AKNA: variants seen among roughly 807,000 people sequenced by gnomAD.
The protein encoded by AKNA is AT-hook transcription factor.
AKNA carries 67 observed loss-of-function variants against 138.8 expected under a neutral mutation model. The observed-to-expected ratio is 0.48, with a 90% CI of 0.40 to 0.59. AKNA has a LOEUF of 0.59. Ranked by LOEUF, AKNA falls within the 20% of genes least tolerant of loss-of-function variation. The pLI is 0.00. For synonymous variants in AKNA, 737 were observed against 754.4 expected (o/e 0.98, Z 0.38); for missense variants, 1,813 against 1,880.4 (o/e 0.96, Z 0.66).
intron 1 of AKNA, among the ~76,000 whole-genome samples, chr9:114,394,062 A>C (rs1180062142): frequency 6.6e-6 from 1 of 151,944 alleles, no homozygotes; most frequent in Non-Finnish European, 1.5e-5. Context: ...AATCCCAGCT[A>C]CTCGGGAGAC....
At chr9:114,346,123 C>T (rs1830669056) in intron 17 of AKNA, 114 bp from the exon 18 acceptor site, 1 of 1,059,638 alleles carries the variant, frequency 9.4e-7, no homozygotes, top group African/African-American at 1.6e-5. Context: ...TTTTAATCCC[C>T]AGTCTCCCCC....
At chr9:114,390,421 G>A (rs775596878), upstream of AKNA, among the ~76,000 whole-genome samples, 4 of 151,928 alleles carry the variant, frequency 2.6e-5, no homozygotes, top group Non-Finnish European at 5.9e-5. Context: ...CTGTGACCCT[G>A]GACACTTCCT....
chr9:114,395,416 G>A (rs896229567), upstream of AKNA, among the ~76,000 whole-genome samples: 1 of 151,992 alleles, frequency 6.6e-6, no homozygotes, highest in East Asian at 1.9e-4. Context: ...ATCCTGTCAG[G>A]TTTTTCCCCT....
chr9:114,351,566 A>C (rs1831122596), intron 14 of AKNA, among the ~76,000 whole-genome samples: 1 of 151,632 alleles, frequency 6.6e-6, no homozygotes, highest in Non-Finnish European at 1.5e-5. Flanking sequence ...TAATCCCAGC[A>C]CTCTGGGAGG....
intron 4 of AKNA, among the ~76,000 whole-genome samples, chr9:114,372,964 C>CGGGGGGGGG (rs558347748): frequency 3.8e-5 from 1 of 26,162 alleles, no homozygotes; most frequent in African/African-American, 1.3e-4. Flanking sequence ...GGGGACGCAG[C>CGGGGGGGGG]GGGGGGGGGG....
At chr9:114,352,353 T>G (rs1831183120) in intron 14 of AKNA, among the ~76,000 whole-genome samples, 1 of 152,196 alleles carries the variant, frequency 6.6e-6, no homozygotes, top group Middle Eastern at 3.2e-3. Context: ...ATCCCAGCAC[T>G]TTGGGAGGCT....
chr9:114,356,616 T>A (rs1261469981), intron 13 of AKNA, among the ~76,000 whole-genome samples: 1 of 152,192 alleles, frequency 6.6e-6, no homozygotes, highest in East Asian at 1.9e-4. Flanking sequence ...ATTCATTTGC[T>A]CAACAAAAAT....
intron 14 of AKNA, among the ~76,000 whole-genome samples, chr9:114,354,169 A>C (rs1168766805): frequency 5.3e-5 from 8 of 152,220 alleles, no homozygotes; most frequent in Non-Finnish European, 1.0e-4. Context: ...ATATCCTTAT[A>C]AGCTTTTTTC....
intron 4 of AKNA, among the ~76,000 whole-genome samples, chr9:114,373,603 T>C (rs1447427367): frequency 1.2e-4 from 18 of 151,814 alleles, no homozygotes; most frequent in Admixed American, 1.2e-3. Context: ...CCTGGGCTCA[T>C]GGTAGCTCAG....
At chr9:114,393,555 C>G (rs1280670298) in intron 1 of AKNA, among the ~76,000 whole-genome samples, 1 of 152,134 alleles carries the variant, frequency 6.6e-6, no homozygotes, top group Non-Finnish European at 1.5e-5. Context: ...CACTTTGCAA[C>G]TGAAACTTGC....
intron 4 of AKNA, among the ~76,000 whole-genome samples, chr9:114,370,298 T>G (rs1276220550): frequency 6.6e-6 from 1 of 152,234 alleles, no homozygotes; most frequent in Non-Finnish European, 1.5e-5. Flanking sequence ...GGGCCTTTCC[T>G]ATCAGCACCC....
In AKNA at chr9:114,334,872, C is replaced by CTGTA. The variant is rs1272897715; in HGVS notation, c.*2181_*2182insTACA. 6.6e-6 allele frequency: 1 copy of CTGTA among 150,722 alleles called. No individual in the cohort carries two copies. The highest frequency in any genetic ancestry group is 1.5e-5 in the Non-Finnish European group (1 of 68,186). 9.3% of individuals were successfully genotyped at this position (150,722 alleles called of 1,614,324 possible). A position where few individuals can be genotyped will look rare whatever the true frequency, so the allele number is the denominator to read the frequency against. On this transcript the variant is annotated 3_prime_UTR_variant, in exon 22 of 22. Transcript: ENST00000374088. ...ACAGCCAAGCTCCACAGGGCCAAGACTACAGCATCCTTTGCTCAGCACCCA... is the reference window on the plus strand; with the variant it reads ...ACAGCCAAGCTCCACAGGGCCAAGACTGTATACAGCATCCTTTGCTCAGCACCCA...
At chr9:114,348,971 G>C in intron 15 of AKNA, 1 of 456,310 alleles carries the variant, frequency 2.2e-6, no homozygotes, top group South Asian at 1.5e-5. Flanking sequence ...GTCAGAAGGA[G>C]TGGAGGCCTC....
intron 3 of AKNA, among the ~76,000 whole-genome samples, chr9:114,375,735 G>C (rs571539958): frequency 1.3e-5 from 2 of 152,004 alleles, no homozygotes; most frequent in Non-Finnish European, 2.9e-5. Flanking sequence ...TTGTGGATGC[G>C]GGGGGTAGGT....
At chr9:114,378,227 C>T (rs59506038) in intron 2 of AKNA, among the ~76,000 whole-genome samples, 3 of 152,196 alleles carry the variant, frequency 2.0e-5, no homozygotes, top group Non-Finnish European at 2.9e-5. Context: ...ATCCCTCTGC[C>T]GAGGGATTCT....
At chr9:114,337,369 C>G in intron 21 of AKNA, 63 bp from the exon 22 acceptor site, 1 of 1,369,928 alleles carries the variant, frequency 7.3e-7, no homozygotes, top group Non-Finnish European at 9.5e-7. Flanking sequence ...CCGAGGAGCA[C>G]CGTGTGTGGG....
chr9:114,349,189 A>G (rs1830925767), intron 15 of AKNA, among the ~76,000 whole-genome samples: 1 of 152,232 alleles, frequency 6.6e-6, no homozygotes, highest in Non-Finnish European at 1.5e-5. Context: ...CTAAAAAAAA[A>G]GACTTACCAG....
Position 114,347,912 on chromosome 9 carries a change from G to A in AKNA, c.3222-12C>T. On this transcript the variant is annotated splice_polypyrimidine_tract_variant and intron_variant, in intron 15 of 21. Transcript: ENST00000374088. ...CACAGATGGCCTGGCTGGGGTTGGA[G>A]TGGAGACAGAAACAAAGAACAGAGG... 1 of 1,549,766 alleles carries A rather than the reference G, an allele frequency of 6.5e-7. No homozygotes were observed. The highest frequency in any genetic ancestry group is 2.5e-5 in the East Asian group (1 of 40,688).
At chr9:114,357,083 T>C (rs1235524736) in intron 12 of AKNA, 114 bp from the exon 13 acceptor site, 9 of 874,222 alleles carry the variant, frequency 1.0e-5, no homozygotes, top group Non-Finnish European at 1.5e-5. Flanking sequence ...CCAGGGTTGC[T>C]GGCCCAGCTC....
Sources: allele counts gnomAD v4.1 joint callset (sites outside exome capture counted in the v4.1 genomes callset), GRCh38; gene constraint gnomAD v4.1.1; transcripts MANE v1.5; gene names NCBI Gene and HGNC (gene_info 2026-07-23, HGNC 2026-07-21).